The following ACLY variants were observed in gnomAD, a reference collection of about 807,000 sequenced individuals.
The protein encoded by ACLY is ATP-citrate synthase.
In ACLY, 41 loss-of-function variants were observed where a neutral mutation model predicts 133.0. That is an observed-to-expected ratio of 0.31 (90% CI 0.24 to 0.40). The LOEUF (loss-of-function observed/expected upper bound fraction) is 0.40. Ranked by LOEUF, ACLY falls within the 10% of genes least tolerant of loss-of-function variation. The pLI, the probability that ACLY is intolerant of heterozygous loss-of-function variation, is 1.00. For missense variants in ACLY, 1,046 were observed against 1,453.8 expected, an observed-to-expected ratio of 0.72 and a Z score of 4.56; for synonymous variants, 495 against 549.3, an observed-to-expected ratio of 0.90 and a Z score of 1.38.
intron 24 of ACLY, 69 bp from the exon 25 acceptor site, chr17:41,871,901 G>T: frequency 6.2e-7 from 1 of 1,604,174 alleles, no homozygotes; most frequent in Non-Finnish European, 8.5e-7. Flanking sequence ...AACCAACCCA[G>T]TGTGTCCCGA....
chr17:41,888,302 G>A (rs1208986005), intron 16 of ACLY, among the ~76,000 whole-genome samples: 22 of 152,124 alleles, frequency 1.4e-4, no homozygotes, highest in Admixed American at 1.0e-3. Context: ...CAGGTATTTC[G>A]GAAGCCCTGC....
chr17:41,880,022 G>A (rs1256132076), intron 20 of ACLY, among the ~76,000 whole-genome samples: 3 of 152,134 alleles, frequency 2.0e-5, no homozygotes, highest in East Asian at 1.9e-4. Flanking sequence ...GAGCCAGCGC[G>A]CCCAGCGTGA....
chr17:41,875,124 G>A (rs552566506), intron 22 of ACLY, among the ~76,000 whole-genome samples: 11 of 151,978 alleles, frequency 7.2e-5, no homozygotes, highest in South Asian at 4.2e-4. Flanking sequence ...CAAGGCAGGC[G>A]GATCACTTGA....
chr17:41,905,481 G>A, intron 9 of ACLY, 41 bp downstream of exon 9: 2 of 1,613,458 alleles, frequency 1.2e-6, no homozygotes, highest in Non-Finnish European at 1.7e-6. Context: ...GGGCTGTCCT[G>A]GGGAAGTGGG....
intron 28 of ACLY, 104 bp from the exon 29 acceptor site, chr17:41,868,008 C>T: frequency 1.3e-6 from 1 of 760,338 alleles, no homozygotes. Flanking sequence ...AAAGTAGACA[C>T]AAAGCAGTGG....
intron 1 of ACLY, among the ~76,000 whole-genome samples, chr17:41,927,131 G>C (rs2050253365): frequency 6.6e-6 from 1 of 152,192 alleles, no homozygotes; most frequent in South Asian, 2.1e-4. Flanking sequence ...GCCTCCCAAA[G>C]TACTAGGATT....
intron 16 of ACLY, among the ~76,000 whole-genome samples, chr17:41,888,311 G>A (rs1309393135): frequency 6.6e-6 from 1 of 152,174 alleles, no homozygotes; most frequent in African/African-American, 2.4e-5. Flanking sequence ...CGGAAGCCCT[G>A]CTACAGTCAT....
Position 41,872,124 on chromosome 17 carries a change from C to T in ACLY, c.2701G>A (p.Gly901Arg). ...TTGTGGGCTCCAGAGACGGCTGGCCCGTGATCAGCTGTCACCATCAGACAC... is the reference window on the plus strand; with the variant it reads ...TTGTGGGCTCCAGAGACGGCTGGCCTGTGATCAGCTGTCACCATCAGACAC... ...EMCLMVTADH[G>R]PAVSGAHNTI... The change falls in exon 24 of 29, where the codon GGG becomes AGG. Residue 901 changes from glycine (G) to arginine (R), a missense_variant. Gly to Arg is a moderately radical substitution (Grantham distance 125, BLOSUM62 -2). This residue lies in a region of ACLY where 205 missense variants were observed against 373.3 expected (regional missense o/e 0.55). Transcript: ENST00000352035. The T allele has an allele frequency of 6.2e-7, 1 of 1,614,046 alleles. No homozygotes were observed. Among genetic ancestry groups the T allele is most frequent in the Non-Finnish European group, 8.5e-7 (1 of 1,180,020 alleles).
intron 1 of ACLY, among the ~76,000 whole-genome samples, chr17:41,927,026 G>A (rs1216023679): frequency 2.0e-5 from 3 of 151,604 alleles, no homozygotes; most frequent in Admixed American, 1.3e-4. Context: ...GTGCCATCAC[G>A]CCCAGCTAAT....
intron 1 of ACLY, 48 bp downstream of exon 1, chr17:41,918,832 C>T (rs1555634929): frequency 1.6e-6 from 2 of 1,283,586 alleles, no homozygotes; most frequent in African/African-American, 1.5e-5. Flanking sequence ...GCAGGAAGCT[C>T]CTAGGGCGAG....
chr17:41,881,638 C>T (rs2048920411), intron 20 of ACLY, among the ~76,000 whole-genome samples: 1 of 152,044 alleles, frequency 6.6e-6, no homozygotes, highest in Admixed American at 6.6e-5. Context: ...CCAGGTCTAC[C>T]AAGATCTGAT....
intron 1 of ACLY, among the ~76,000 whole-genome samples, chr17:41,930,184 C>T (rs2050301071): frequency 6.6e-6 from 1 of 152,208 alleles, no homozygotes; most frequent in South Asian, 2.1e-4. Context: ...CCTGAGTGTT[C>T]CATTATTTTC....
At chr17:41,926,749 A>G (rs1334428326) in intron 1 of ACLY, among the ~76,000 whole-genome samples, 2 of 152,162 alleles carry the variant, frequency 1.3e-5, no homozygotes, top group Non-Finnish European at 2.9e-5. Flanking sequence ...TCGGCCTCCC[A>G]AAGTGCTGGG....
chr17:41,894,398 AAG>A (rs1491068441), intron 14 of ACLY, among the ~76,000 whole-genome samples: 4 of 148,418 alleles, frequency 2.7e-5, no homozygotes, highest in East Asian at 3.9e-4. Context: ...AAAAAAAAAA[AAG>A]GGTAAGGGAA....
intron 11 of ACLY, among the ~76,000 whole-genome samples, chr17:41,900,547 C>T (rs1156696127): frequency 6.6e-6 from 1 of 151,464 alleles, no homozygotes; most frequent in African/African-American, 2.4e-5. Flanking sequence ...CAGTGAGACA[C>T]TATCTCACAA....
chr17:41,913,954 C>T (rs2049979796), intron 1 of ACLY, 58 bp from the exon 2 acceptor site: 5 of 1,550,772 alleles, frequency 3.2e-6, no homozygotes, highest in Non-Finnish European at 4.4e-6. Flanking sequence ...CACTATCTTC[C>T]CCAGCAGGGC....
chr17:41,918,118 G>C (rs2050102320), intron 1 of ACLY, among the ~76,000 whole-genome samples: 1 of 152,244 alleles, frequency 6.6e-6, no homozygotes, highest in Non-Finnish European at 1.5e-5. Context: ...TGCCAGGCTC[G>C]ACAGGAGGGC....
chr17:41,874,635 A>G (rs1376016525), intron 22 of ACLY, among the ~76,000 whole-genome samples: 2 of 146,536 alleles, frequency 1.4e-5, no homozygotes, highest in African/African-American at 5.1e-5. Flanking sequence ...GTGCAGTGGT[A>G]CGATCTCAGC....
At chr17:41,890,042 T>C (rs1419838852) in intron 16 of ACLY, among the ~76,000 whole-genome samples, 3 of 152,146 alleles carry the variant, frequency 2.0e-5, no homozygotes, top group Non-Finnish European at 4.4e-5. Flanking sequence ...ATTAAGGATA[T>C]AGGCAAATGT....
Sources: allele counts gnomAD v4.1 joint callset (sites outside exome capture counted in the v4.1 genomes callset), GRCh38; gene constraint gnomAD v4.1.1; regional missense constraint gnomAD v4.1.1; transcripts MANE v1.5; gene names NCBI Gene and HGNC (gene_info 2026-07-23, HGNC 2026-07-21).